GC: variants seen among roughly 807,000 people sequenced by gnomAD.
The protein encoded by GC is GC vitamin D binding protein.
GC carries 43 observed loss-of-function variants against 56.7 expected under a neutral mutation model. The ratio of observed to expected loss-of-function variants is 0.76; its 90% CI spans 0.59 to 0.98. GC has a LOEUF of 0.98. Among genes scored for constraint, GC ranks in the 50% least tolerant of loss-of-function variants. The pLI, the probability that GC is intolerant of heterozygous loss-of-function variation, is 0.00. For missense variants in GC, 529 were observed against 545.9 expected, an observed-to-expected ratio of 0.97 and a Z score of 0.31; for synonymous variants, 216 against 202.7, an observed-to-expected ratio of 1.07 and a Z score of -0.56.
chr4:71,794,115 C>A (rs1743035882), intron 1 of GC, among the ~76,000 whole-genome samples: 1 of 152,014 alleles, frequency 6.6e-6, no homozygotes, highest in Non-Finnish European at 1.5e-5. Flanking sequence ...GTCTAAAATT[C>A]TCTGTTTCTG....
At chr4:71,752,676 C>G in intron 10 of GC, 26 bp from the exon 11 acceptor site, 1 of 1,594,156 alleles carries the variant, frequency 6.3e-7, no homozygotes, top group Non-Finnish European at 8.6e-7. Context: ...AATGTAAGGT[C>G]TTACTACATG....
chr4:71,761,430 T>G (rs1043896521), intron 6 of GC, among the ~76,000 whole-genome samples: 1 of 152,192 alleles, frequency 6.6e-6, no homozygotes, highest in Admixed American at 6.6e-5. Flanking sequence ...GCATAAAAGT[T>G]CAGAAAATTT....
At chr4:71,753,489 A>G (rs1342173358) in intron 10 of GC, among the ~76,000 whole-genome samples, 1 of 151,514 alleles carries the variant, frequency 6.6e-6, no homozygotes, top group Non-Finnish European at 1.5e-5. Flanking sequence ...GGAGGCAAAA[A>G]AAAAAAAAGA....
At chr4:71,744,478 A>AC (rs1553946184) in intron 12 of GC, among the ~76,000 whole-genome samples, 1 of 151,038 alleles carries the variant, frequency 6.6e-6, no homozygotes, top group Non-Finnish European at 1.5e-5. Context: ...AAAAAAAAAA[A>AC]AGATACTTCT....
At chr4:71,746,341 C>T (rs1741363523) in intron 11 of GC, 136 bp from the exon 12 acceptor site, 1 of 529,340 alleles carries the variant, frequency 1.9e-6, no homozygotes, top group African/African-American at 2.0e-5. Flanking sequence ...TGTTACATTG[C>T]AGTTTTTTAT....
chr4:71,754,857 ATTC>A, intron 9 of GC, 118 bp downstream of exon 9: 1 of 626,038 alleles, frequency 1.6e-6, no homozygotes. Context: ...ATGTAAAACC[ATTC>A]TTCTGTTCTT....
chr4:71,768,530 G>C, intron 2 of GC, 97 bp from the exon 3 acceptor site: 1 of 1,054,474 alleles, frequency 9.5e-7, no homozygotes, highest in South Asian at 1.7e-5. Flanking sequence ...GTGCAGTGGT[G>C]TGATCTCAGC....
At chr4:71,748,885 TG>T (rs1159452062) in intron 11 of GC, among the ~76,000 whole-genome samples, 1 of 152,040 alleles carries the variant, frequency 6.6e-6, no homozygotes, top group Non-Finnish European at 1.5e-5. Flanking sequence ...TGACTTGCAG[TG>T]AAAGGAGTAG....
At chr4:71,766,749 C>T (rs1249817007) in intron 3 of GC, among the ~76,000 whole-genome samples, 1 of 152,178 alleles carries the variant, frequency 6.6e-6, no homozygotes, top group Non-Finnish European at 1.5e-5. Context: ...CATCCTATCT[C>T]TCTTTTCAGT....
chr4:71,750,028 A>G (rs1029214312), intron 11 of GC, among the ~76,000 whole-genome samples: 78 of 152,208 alleles, frequency 5.1e-4, no homozygotes, highest in African/African-American at 1.8e-3. Context: ...GGCACTGTAC[A>G]ATAAAATAAA....
chr4:71,785,604 A>G (rs1742813488), upstream of GC, among the ~76,000 whole-genome samples: 2 of 151,766 alleles, frequency 1.3e-5, no homozygotes, highest in South Asian at 4.1e-4. Context: ...TATTTCTGTA[A>G]GGCCAGTGGA....
intron 4 of GC, among the ~76,000 whole-genome samples, chr4:71,764,512 C>T (rs1475552431): frequency 6.6e-6 from 1 of 152,064 alleles, no homozygotes; most frequent in Non-Finnish European, 1.5e-5. Context: ...TCAGGTGCAT[C>T]ACCCATGGTA....
At chr4:71,787,745 G>C (rs1442518258), upstream of GC, among the ~76,000 whole-genome samples, 1 of 151,884 alleles carries the variant, frequency 6.6e-6, no homozygotes, top group East Asian at 1.9e-4. Flanking sequence ...TTAAGACACA[G>C]AATCATCAGA....
In GC at chr4:71,783,884, A is replaced by C. The variant is rs1024230604; in HGVS notation, c.58+77T>G. 4.5e-6 allele frequency: 5 copies of C among 1,108,454 alleles called. No homozygotes were observed. In the African/African-American group the frequency reaches 8.2e-5, roughly 18 times the overall value. The allele number at this position is 1,108,454 out of a possible 1,614,324, so 68.7% of individuals were successfully genotyped here. On this transcript the variant is annotated intron_variant, in intron 1 of 12. Transcript: ENST00000273951. Reference sequence around the variant, plus strand: ...CCAGTTCTTCTGTTTCTTACTTTTTATTTCATTTTTTAAGTGATAATATAA... The same window carrying C: ...CCAGTTCTTCTGTTTCTTACTTTTTCTTTCATTTTTTAAGTGATAATATAA...
upstream of GC, chr4:71,784,373 C>T: frequency 1.0e-6 from 1 of 982,252 alleles, no homozygotes; most frequent in Non-Finnish European, 1.2e-6. Flanking sequence ...GTTAGTAACG[C>T]ACACCTTCTC....
In GC at chr4:71,742,604, T is replaced by C. The variant is rs149126698; in HGVS notation, c.*26-734A>G. Reference sequence around the variant, plus strand: ...TACACTGTGAGCCAATTCATTTATGTTTTTGGCAACCCAGAGGGACTACTA... The same window carrying C: ...TACACTGTGAGCCAATTCATTTATGCTTTTGGCAACCCAGAGGGACTACTA... On this transcript the variant is annotated intron_variant, in intron 12 of 12. Coordinates refer to ENST00000273951, the MANE Select transcript of GC (RefSeq NM_000583.4). Among the ~76,000 whole-genome samples, 360 of 152,312 alleles carry C rather than the reference T, an allele frequency of 2.4e-3. 3 individuals carry two copies. Among genetic ancestry groups the C allele is most frequent in the Admixed American group, 6.9e-3 (106 of 15,300 alleles).
At chr4:71,742,215 C>G (rs1741205038) in intron 12 of GC, among the ~76,000 whole-genome samples, 1 of 152,054 alleles carries the variant, frequency 6.6e-6, no homozygotes, top group African/African-American at 2.4e-5. Flanking sequence ...AACTGTCAAC[C>G]AGTGGCATAA....
At chr4:71,744,727 C>T (rs1302361508) in intron 12 of GC, among the ~76,000 whole-genome samples, 1 of 152,026 alleles carries the variant, frequency 6.6e-6, no homozygotes, top group East Asian at 1.9e-4. Flanking sequence ...CTTAAGAAAT[C>T]TTGAAGGATG....
intron 12 of GC, among the ~76,000 whole-genome samples, chr4:71,745,350 A>G (rs937919345): frequency 2.0e-5 from 3 of 152,222 alleles, no homozygotes; most frequent in Non-Finnish European, 4.4e-5. Context: ...GATTTAAATA[A>G]TAGTTGAAAA....
Sources: allele counts gnomAD v4.1 joint callset (sites outside exome capture counted in the v4.1 genomes callset), GRCh38; gene constraint gnomAD v4.1.1; transcripts MANE v1.5; gene names NCBI Gene and HGNC (gene_info 2026-07-23, HGNC 2026-07-21).